Variants in CASQ2 observed in about 807,000 individuals in gnomAD.
The protein encoded by CASQ2 is calsequestrin-2.
A neutral mutation model predicts 46.5 loss-of-function variants in CASQ2; 49 were observed. That is an observed-to-expected ratio of 1.05 (90% confidence interval 0.84 to 1.34). CASQ2 has a LOEUF of 1.34. Ranked by LOEUF, CASQ2 falls within the 40% of genes most tolerant of loss-of-function variation. The pLI is 0.00. For missense variants in CASQ2, 486 were observed against 481.3 expected (o/e 1.01, Z -0.09); for synonymous variants, 174 against 168.5 (o/e 1.03, Z -0.25).
chr1:115,741,530 G>C (rs1284096677), intron 2 of CASQ2, among the ~76,000 whole-genome samples: 1 of 152,104 alleles, frequency 6.6e-6, no homozygotes, highest in Non-Finnish European at 1.5e-5. Context: ...GTTCTCTGAG[G>C]GTAGGATCAT....
intron 8 of CASQ2, among the ~76,000 whole-genome samples, chr1:115,706,418 T>C (rs1654365108): frequency 2.0e-5 from 3 of 152,228 alleles, no homozygotes; most frequent in South Asian, 4.2e-4. Flanking sequence ...CATGGAGTTG[T>C]CTTGTCATTC....
chr1:115,761,490 GAAGAAGGAGAAGAA>G (rs1648954887), intron 1 of CASQ2, among the ~76,000 whole-genome samples: 5 of 43,770 alleles, frequency 1.1e-4, no homozygotes, highest in Non-Finnish European at 9.9e-5. Context: ...AGAAGAAGGA[GAAGAAGGAGAAGAA>G]GAAGAAGAAG....
intron 8 of CASQ2, among the ~76,000 whole-genome samples, chr1:115,716,330 T>A (rs1321829987): frequency 6.6e-6 from 1 of 152,170 alleles, no homozygotes; most frequent in Non-Finnish European, 1.5e-5. Flanking sequence ...ACCCATCCAT[T>A]TACAGGGTCA....
chr1:115,703,098 G>T (rs533247315), intron 9 of CASQ2, 103 bp from the exon 10 acceptor site: 5 of 893,812 alleles, frequency 5.6e-6, no homozygotes, highest in East Asian at 2.6e-5. Context: ...ATTGGTTAAA[G>T]GTCTTCAAAA....
At chr1:115,710,145 G>A (rs962528182) in intron 8 of CASQ2, among the ~76,000 whole-genome samples, 8 of 152,160 alleles carry the variant, frequency 5.3e-5, no homozygotes, top group Non-Finnish European at 1.0e-4. Context: ...TGCCCAGCCA[G>A]GACACAGAAC....
chr1:115,704,890 A>G (rs901803545), intron 9 of CASQ2, among the ~76,000 whole-genome samples: 1 of 152,172 alleles, frequency 6.6e-6, no homozygotes, highest in Non-Finnish European at 1.5e-5. Flanking sequence ...GGGACTGGGA[A>G]TGGAGTGATG....
chr1:115,752,799 C>A (rs1345572053), intron 1 of CASQ2, among the ~76,000 whole-genome samples: 1 of 152,086 alleles, frequency 6.6e-6, no homozygotes, highest in African/African-American at 2.4e-5. Flanking sequence ...GATCTGAGTG[C>A]GTAGAGCAGA....
chr1:115,706,622 G>T (rs1411846687), intron 8 of CASQ2, among the ~76,000 whole-genome samples: 1 of 152,192 alleles, frequency 6.6e-6, no homozygotes, highest in Non-Finnish European at 1.5e-5. Flanking sequence ...AAATAATAAA[G>T]TTACATTTCT....
chr1:115,721,558 A>C (rs559448122), intron 7 of CASQ2, among the ~76,000 whole-genome samples: 1 of 152,046 alleles, frequency 6.6e-6, no homozygotes, highest in Admixed American at 6.6e-5. Context: ...GGGGAAGTGG[A>C]TGTTGAAGAT....
intron 1 of CASQ2, 129 bp from the exon 2 acceptor site, chr1:115,745,041 G>GAGC: frequency 1.4e-6 from 1 of 722,678 alleles, no homozygotes; most frequent in South Asian, 1.5e-5. Flanking sequence ...TGACCAAGTT[G>GAGC]AGCAGCAGCA....
chr1:115,756,847 T>C (rs1648779568), intron 1 of CASQ2, among the ~76,000 whole-genome samples: 1 of 152,154 alleles, frequency 6.6e-6, no homozygotes, highest in African/African-American at 2.4e-5. Context: ...CTCAGGAGGC[T>C]GAGGCAGAAG....
chr1:115,750,910 C>CGCACCTACAGGATGTAGGTATGTATG (rs1403882317), intron 1 of CASQ2, among the ~76,000 whole-genome samples: 1 of 152,204 alleles, frequency 6.6e-6, no homozygotes. Flanking sequence ...AGGTATGTAT[C>CGCACCTACAGGATGTAGGTATGTATG]GCACCTAATG....
At chr1:115,722,976 A>C (rs1647434424) in intron 7 of CASQ2, among the ~76,000 whole-genome samples, 1 of 152,154 alleles carries the variant, frequency 6.6e-6, no homozygotes, top group Non-Finnish European at 1.5e-5. Context: ...TGAACCTGGG[A>C]GGCAGAGGCT....
At chr1:115,765,194 C>T (rs1198316507) in intron 1 of CASQ2, among the ~76,000 whole-genome samples, 1 of 152,178 alleles carries the variant, frequency 6.6e-6, no homozygotes, top group Non-Finnish European at 1.5e-5. Flanking sequence ...CCATGTTCAG[C>T]TGTGAGCCAC....
At chr1:115,706,033 G>T (rs1053859496) in intron 8 of CASQ2, among the ~76,000 whole-genome samples, 33 of 152,138 alleles carry the variant, frequency 2.2e-4, no homozygotes, top group Non-Finnish European at 4.4e-4. Context: ...CGTTTAGTAA[G>T]AGATAGCATA....
At chr1:115,727,555 G>T (rs561367001) in intron 5 of CASQ2, among the ~76,000 whole-genome samples, 40 of 152,286 alleles carry the variant, frequency 2.6e-4, no homozygotes, top group African/African-American at 9.4e-4. Flanking sequence ...AGGCATATAG[G>T]TACTCAGAAT....
At chr1:115,710,592 C>A (rs554513845) in intron 8 of CASQ2, among the ~76,000 whole-genome samples, 1 of 152,146 alleles carries the variant, frequency 6.6e-6, no homozygotes, top group African/African-American at 2.4e-5. Flanking sequence ...CCAGGGCTGG[C>A]GGGCTGGCCT....
At chr1:115,709,653 GCCC>G in intron 8 of CASQ2, among the ~76,000 whole-genome samples, 1 of 152,302 alleles carries the variant, frequency 6.6e-6, no homozygotes, top group South Asian at 2.1e-4. Flanking sequence ...TAGATGAATA[GCCC>G]TCACTCAGAA....
At position 115,740,870 on chromosome 1, in the gene CASQ2, G is replaced by A. The variant is rs184686981; in HGVS notation, c.320-42C>T. 2.3e-4 allele frequency: 308 copies of A among 1,333,304 alleles called. 2 individuals are homozygous for A. Among genetic ancestry groups the A allele is most frequent in the Admixed American group, 1.1e-3 (65 of 59,514 alleles). 82.6% of individuals were successfully genotyped at this position (1,333,304 alleles called of 1,614,324 possible). A position where few individuals can be genotyped will look rare whatever the true frequency, so the allele number is the denominator to read the frequency against. ...GGCCCACAGAGAAGGTCATCCTGAC[G>A]TAGGAAGAGTGATTGTATTGGCTGA... On this transcript the variant is annotated intron_variant, in intron 2 of 10. Transcript: ENST00000261448.
Sources: gnomAD v4.1 joint callset for allele counts (sites outside exome capture counted in the v4.1 genomes callset) on GRCh38, gnomAD v4.1.1 for gene constraint, MANE v1.5 for transcripts, NCBI Gene and HGNC (gene_info 2026-07-23, HGNC 2026-07-21) for gene names.